HMCN2: variants seen among roughly 807,000 people sequenced by gnomAD.
HMCN2 encodes hemicentin-2.
Under a neutral mutation model 377.5 loss-of-function variants are expected in HMCN2, and 325 were observed. That is an observed-to-expected ratio of 0.86 (90% CI 0.79 to 0.94). HMCN2 has a LOEUF of 0.94. Among genes scored for constraint, HMCN2 ranks in the 40% least tolerant of loss-of-function variants. HMCN2 has a pLI of 0.00. For synonymous variants in HMCN2, 2,007 were observed against 2,046.8 expected (o/e 0.98, Z 0.53); for missense variants, 4,543 against 4,725.3 (o/e 0.96, Z 1.13).
rs189470682 is a variant in HMCN2, at chr9:130,389,134, G to A, written c.9523+594G>A. ...CTGGTGGAAATCCGTCCACAGCAGG[G>A]GCCGGCACTGCCAGCCACCTCTCCC... On this transcript the variant is annotated intron_variant, in intron 62 of 97. Transcript: ENST00000683500. Among the ~76,000 whole-genome samples the A allele has an allele frequency of 1.4e-3, 207 of 152,314 alleles. 1 individual carries two copies. Among genetic ancestry groups the A allele is most frequent in the African/African-American group, 4.7e-3 (194 of 41,568 alleles).
rs979662943 is a variant in HMCN2, at chr9:130,391,041, G to C, written c.9588G>C (p.Pro3196=). 1 of 987,846 alleles carries C rather than the reference G, an allele frequency of 1.0e-6. No homozygotes were observed. Among genetic ancestry groups the C allele is most frequent in the Non-Finnish European group, 1.2e-6 (1 of 830,334 alleles). 61.2% of individuals were successfully genotyped at this position (987,846 alleles called of 1,614,324 possible). A position where few individuals can be genotyped will look rare whatever the true frequency, so the allele number is the denominator to read the frequency against. Reference sequence around the variant, plus strand: ...GCCTCCAGCTGAGCCGCCTGCAACCGGCCCAGGCGGGCACCTACACGTGCG... The same window carrying C: ...GCCTCCAGCTGAGCCGCCTGCAACCCGCCCAGGCGGGCACCTACACGTGCG... The part of the protein sequence containing the change: ...GGRLQLSRLQ[P]AQAGTYTCVA... Residue 3196 remains proline, a synonymous_variant, in exon 63 of 98, where the codon CCG becomes CCC. Coordinates refer to ENST00000683500, the MANE Select transcript of HMCN2 (RefSeq NM_001291815.2).
rs1216889494 is a variant in HMCN2, at chr9:130,374,597, GT to G, written c.7535del (p.Val2512AlafsTer49). The G allele has an allele frequency of 1.5e-5, 15 of 985,668 alleles. No homozygotes were observed. The highest frequency in any genetic ancestry group is 1.7e-5 in the African/African-American group (1 of 57,244). 61.1% of individuals were successfully genotyped at this position (985,668 alleles called of 1,614,324 possible). A position where few individuals can be genotyped will look rare whatever the true frequency, so the allele number is the denominator to read the frequency against. ...CTCCCCAGACGGAGTCCTCCTGCAG[GT>G]CCTCCAGGCAAACCTGTCCAGTGCT... is the stretch of plus-strand genomic sequence containing the variant. Reference protein sequence around the residue: ...HISPDGVLLQVLQANLSSAGH... With the variant: ...HISPDGVLLQXLQANLSSAGH... On this transcript the variant is annotated frameshift_variant, in exon 49 of 98. Coordinates refer to ENST00000683500, the MANE Select transcript of HMCN2 (RefSeq NM_001291815.2). LOFTEE classifies it high-confidence loss of function.
chr9:130,365,673 G>A lies in HMCN2; in HGVS notation c.6451G>A (p.Glu2151Lys). The A allele has an allele frequency of 2.0e-6, 2 of 986,000 alleles. No homozygotes were observed. The highest frequency in any genetic ancestry group is 2.4e-6 in the Non-Finnish European group (2 of 830,016). 61.1% of individuals were successfully genotyped at this position (986,000 alleles called of 1,614,324 possible). Residue 2151 changes from glutamate to lysine, a missense_variant, in exon 42 of 98, where the codon GAG becomes AAG. Glu to Lys is a moderately conservative substitution (Grantham distance 56, BLOSUM62 1). This residue lies in a region of HMCN2 where 1,032 missense variants were observed against 1,285.1 expected (regional missense o/e 0.80). Coordinates refer to ENST00000683500, the MANE Select transcript of HMCN2 (RefSeq NM_001291815.2). ...DVWDAGHYTC[E>K]ALNQAGHSEK... is the part of the protein sequence containing the mutation. ...GTGGGATGCGGGCCATTACACCTGT[G>A]AGGCACTGAACCAGGCCGGCCACTC...
Position 130,303,430 on chromosome 9 carries a change from G to A in HMCN2, c.1422-57G>A. The A allele has an allele frequency of 2.6e-6, 1 of 378,642 alleles. No homozygotes were observed. Among genetic ancestry groups the A allele is most frequent in the Non-Finnish European group, 5.7e-6 (1 of 176,678 alleles). The allele number at this position is 378,642 out of a possible 1,614,324, so 23.5% of individuals were successfully genotyped here. On this transcript the variant is annotated intron_variant, in intron 9 of 97. Transcript: ENST00000683500. The surrounding 1 kb of genome is among the most constrained non-coding windows in gnomAD (Gnocchi z 5.2). ...AGGATTCAGGGGACTGAAGTCGGGG[G>A]GGACCCTGAGTGGGGGTCAGTGTGA...
In HMCN2 at chr9:130,384,487, A is replaced by G. The variant is rs1588362161; in HGVS notation, c.8945A>G (p.Lys2982Arg). Residue 2982 changes from lysine to arginine, a missense_variant, in exon 58 of 98, where the codon AAG becomes AGG. By Grantham distance (26) the Lys-to-Arg change is conservative. Around this residue, in one of 5 missense-constraint regions of HMCN2, gnomAD observed 736 missense variants for 773.2 expected, o/e 0.95. Coordinates refer to ENST00000683500, the MANE Select transcript of HMCN2 (RefSeq NM_001291815.2). ...AHPNPEVTWY[K>R]DSQALSLGEE... Reference sequence around the variant, plus strand: ...CCAAACCCCGAGGTCACGTGGTACAAGGACAGCCAGGCCCTCTCCCTGGGT... The same window carrying G: ...CCAAACCCCGAGGTCACGTGGTACAGGGACAGCCAGGCCCTCTCCCTGGGT... The G allele has an allele frequency of 7.7e-7, 1 of 1,304,276 alleles. No individual in the cohort carries two copies. Among genetic ancestry groups the G allele is most frequent in the Non-Finnish European group, 1.0e-6 (1 of 988,968 alleles). The allele number at this position is 1,304,276 out of a possible 1,614,324, so 80.8% of individuals were successfully genotyped here.
chr9:130,432,782 G>C (rs1306769380), intron 97 of HMCN2: 3 of 579,990 alleles, frequency 5.2e-6, no homozygotes, highest in Non-Finnish European at 9.2e-6. Context: ...CACAACCCCA[G>C]GACAAAACTC....
In HMCN2 at chr9:130,323,598, A is replaced by C. The variant is rs1024397967; in HGVS notation, c.2920+1667A>C. Reference sequence around the variant, plus strand: ...ATCAGCGCAGCTGGTTCCCAAGCACATGCTGCCTTCTGTATGGGGAAGACA... The same window carrying C: ...ATCAGCGCAGCTGGTTCCCAAGCACCTGCTGCCTTCTGTATGGGGAAGACA... On this transcript the variant is annotated intron_variant, in intron 19 of 97. Coordinates refer to ENST00000683500, the MANE Select transcript of HMCN2 (RefSeq NM_001291815.2). 5.0e-4 allele frequency among the ~76,000 whole-genome samples: 76 copies of C among 152,358 alleles called. 1 individual carries two copies. The highest frequency in any genetic ancestry group is 1.5e-3 in the African/African-American group (63 of 41,592).
chr9:130,388,040 A>G (rs1842109997), intron 61 of HMCN2, among the ~76,000 whole-genome samples: 1 of 152,196 alleles, frequency 6.6e-6, no homozygotes, highest in African/African-American at 2.4e-5. Context: ...CCTGAGGGCA[A>G]AGGCATTTCA....
chr9:130,395,190 C>T (rs1564851398), intron 70 of HMCN2, 21 bp from the exon 71 acceptor site: 1 of 1,286,892 alleles, frequency 7.8e-7, no homozygotes, highest in Admixed American at 2.3e-5. Context: ...CTCATATCCT[C>T]TTGTGCCACC....
chr9:130,375,394 T>G (rs1320340902), intron 49 of HMCN2, among the ~76,000 whole-genome samples, 169 bp from the exon 50 acceptor site: 1 of 152,178 alleles, frequency 6.6e-6, no homozygotes. Flanking sequence ...AGGCCTGAGT[T>G]CAAGCCTGGC....
At position 130,424,272 on chromosome 9, in the gene HMCN2, G is replaced by A. The variant is rs1372756894; in HGVS notation, c.13382-504G>A. 4.6e-5 allele frequency among the ~76,000 whole-genome samples: 7 copies of A among 150,792 alleles called. 1 individual carries two copies. In the South Asian group the frequency reaches 8.4e-4, roughly 18 times the overall value. ...TGGCTCACTGCAAGCTCTGCCTTCC[G>A]GGTTCACACCATTATCCTGCCTCAG... On this transcript the variant is annotated intron_variant, in intron 87 of 97. Transcript: ENST00000683500.
At chr9:130,282,053 G>A (rs1393929051) in intron 1 of HMCN2, among the ~76,000 whole-genome samples, 1 of 152,214 alleles carries the variant, frequency 6.6e-6, no homozygotes, top group Non-Finnish European at 1.5e-5. Flanking sequence ...GTGAACATGT[G>A]TGATTACCTA....
In HMCN2 at chr9:130,303,559, CGT is replaced by C. The variant is rs1564765534; in HGVS notation, c.1495_1496del (p.Val499GlnfsTer70). 1 of 392,768 alleles carries C rather than the reference CGT, an allele frequency of 2.5e-6. No homozygotes were observed. Among genetic ancestry groups the C allele is most frequent in the South Asian group, 1.8e-5 (1 of 54,078 alleles). The allele number at this position is 392,768 out of a possible 1,614,324, so 24.3% of individuals were successfully genotyped here. On this transcript the variant is annotated frameshift_variant, in exon 10 of 98. Coordinates refer to ENST00000683500, the MANE Select transcript of HMCN2 (RefSeq NM_001291815.2). LOFTEE classifies it high-confidence loss of function. This position sits in a 1 kb window ranked among gnomAD's most constrained non-coding sequence, Gnocchi z 5.2. ...AEEGTYECTA[V>X]SRAGTGRAKA... ...AGGAGGGCACGTACGAGTGCACAGC[CGT>C]CAGCAGGGCTGGGACCGGGCGAGCA...
At chr9:130,385,256 A>G (rs1228066699) in intron 59 of HMCN2, among the ~76,000 whole-genome samples, 1 of 152,086 alleles carries the variant, frequency 6.6e-6, no homozygotes, top group African/African-American at 2.4e-5. Context: ...GGGCCTCGAC[A>G]GAGAGCTGTA....
intron 1 of HMCN2, among the ~76,000 whole-genome samples, chr9:130,272,540 CTCT>C (rs1180013511): frequency 4.6e-5 from 7 of 151,940 alleles, no homozygotes; most frequent in Admixed American, 6.6e-5. Context: ...CATGCCTGGC[CTCT>C]TCTTCTTCTT....
At chr9:130,273,206 T>A (rs1834497717) in intron 1 of HMCN2, among the ~76,000 whole-genome samples, 1 of 152,124 alleles carries the variant, frequency 6.6e-6, no homozygotes, top group Admixed American at 6.5e-5. Flanking sequence ...TGCCCAGAAT[T>A]TTTTTCCATT....
At chr9:130,349,227 C>G in intron 28 of HMCN2, 96 bp downstream of exon 28, 1 of 1,195,070 alleles carries the variant, frequency 8.4e-7, no homozygotes. Flanking sequence ...ACTTTGCCTG[C>G]GGAGAGCAGG....
intron 22 of HMCN2, among the ~76,000 whole-genome samples, chr9:130,337,272 G>A (rs1181632484): frequency 1.3e-5 from 2 of 152,176 alleles, no homozygotes; most frequent in African/African-American, 4.8e-5. Flanking sequence ...GACAACGATG[G>A]CAGCAGGGGT....
intron 22 of HMCN2, among the ~76,000 whole-genome samples, chr9:130,334,304 G>T (rs1838590075): frequency 6.6e-6 from 1 of 152,124 alleles, no homozygotes; most frequent in Non-Finnish European, 1.5e-5. Context: ...GGGAGCAGTG[G>T]GCAGCCACAG....
Sources: allele counts gnomAD v4.1 joint callset (sites outside exome capture counted in the v4.1 genomes callset), GRCh38; gene constraint gnomAD v4.1.1; regional missense constraint gnomAD v4.1.1; non-coding constraint Gnocchi (gnomAD v3.1); transcripts MANE v1.5; gene names NCBI Gene and HGNC (gene_info 2026-07-23, HGNC 2026-07-21).